Variants in USP35 observed in about 807,000 individuals in gnomAD.
The protein encoded by USP35 is ubiquitin specific peptidase 35, also known as ubiquitin carboxyl-terminal hydrolase 35.
USP35 carries 69 observed loss-of-function variants against 83.8 expected under a neutral mutation model. That is an observed-to-expected ratio of 0.82 (90% CI 0.68 to 1.01). USP35 has a LOEUF of 1.01. Among genes scored for constraint, USP35 ranks in the 50% least tolerant of loss-of-function variants. USP35 has a pLI of 0.00. For synonymous variants in USP35, 714 were observed against 589.5 expected (o/e 1.21, Z -3.06); for missense variants, 1,503 against 1,362.5 (o/e 1.10, Z -1.62).
the USP35 span, among the ~76,000 whole-genome samples, chr11:78,234,891 T>TC: frequency 2.0e-5 from 3 of 152,034 alleles, no homozygotes; most frequent in South Asian, 6.2e-4. Context: ...GCGCCTGTAA[T>TC]CCCAGCTACT....
Position 78,189,088 on chromosome 11 carries a change from GCCCAGC to G in USP35, c.-78_-73del, listed in dbSNP as rs1862918931. ...AGAGGACCAGCCCTGACCTAGCCGG[GCCCAGC>G]CTCGTCCTGCCCGGCCTGAGCGCCC... On this transcript the variant is annotated 5_prime_UTR_variant, in exon 1 of 11. Coordinates refer to ENST00000529308, the MANE Select transcript of USP35 (RefSeq NM_020798.4). The G allele has an allele frequency of 3.9e-6, 2 of 510,216 alleles. No homozygotes were observed. The highest frequency in any genetic ancestry group is 5.1e-6 in the Non-Finnish European group (2 of 395,702). 31.6% of individuals were successfully genotyped at this position (510,216 alleles called of 1,614,324 possible). A position where few individuals can be genotyped will look rare whatever the true frequency, so the allele number is the denominator to read the frequency against.
the USP35 span, chr11:78,221,699 C>G: frequency 6.2e-7 from 1 of 1,612,828 alleles, no homozygotes; most frequent in East Asian, 2.2e-5. Flanking sequence ...GTTCTCTTCG[C>G]TGTCTCCTGA....
chr11:78,228,843 G>A, the USP35 span, among the ~76,000 whole-genome samples: 1 of 151,988 alleles, frequency 6.6e-6, no homozygotes, highest in Non-Finnish European at 1.5e-5. Flanking sequence ...GGGTGGCGGG[G>A]GGAGCGAATG....
At position 78,199,739 on chromosome 11, in the gene USP35, C is replaced by A; in HGVS notation, c.936+15C>A. On this transcript the variant is annotated intron_variant, in intron 4 of 10. Transcript: ENST00000529308. ...AAATTGAGAAGGTTGGTGCCCCTGT[C>A]CTAGCCCAGAGTTACAGCCTTTTGT... is the stretch of plus-strand genomic sequence containing the variant. 1 of 1,614,126 alleles carries A rather than the reference C, an allele frequency of 6.2e-7. No individual in the cohort carries two copies.
Position 78,189,774 on chromosome 11 carries a change from C to T in USP35, c.-11+617C>T, listed in dbSNP as rs113626471. ...CCTGCTTTCTTCCCTTCTCTCTCCT[C>T]CTTATCCTTTGAGGAAGAGCAGCTG... On this transcript the variant is annotated intron_variant, in intron 1 of 10. Coordinates refer to ENST00000529308, the MANE Select transcript of USP35 (RefSeq NM_020798.4). 7.2e-3 allele frequency among the ~76,000 whole-genome samples: 1,099 copies of T among 152,294 alleles called. 11 individuals carry two copies. The highest frequency in any genetic ancestry group is 0.025 in the African/African-American group (1,030 of 41,554).
the USP35 span, among the ~76,000 whole-genome samples, chr11:78,236,667 T>C: frequency 6.6e-6 from 1 of 152,254 alleles, no homozygotes; most frequent in Non-Finnish European, 1.5e-5. Flanking sequence ...AGAAATACTT[T>C]TTTTTCAATG....
chr11:78,235,749 T>C, the USP35 span, among the ~76,000 whole-genome samples: 1 of 152,210 alleles, frequency 6.6e-6, no homozygotes, highest in African/African-American at 2.4e-5. Flanking sequence ...CTGGACCTTA[T>C]TGTCCATATC....
At chr11:78,212,657 T>C (rs1863832120) in intron 10 of USP35, among the ~76,000 whole-genome samples, 1 of 152,186 alleles carries the variant, frequency 6.6e-6, no homozygotes, top group African/African-American at 2.4e-5. Context: ...GTAGCAGTTG[T>C]GAATGGGAGT....
rs564374633 is a variant in USP35 at position 78,213,895 on chromosome 11, A to C, written c.*82A>C. 1.3e-5 allele frequency: 19 copies of C among 1,481,412 alleles called. No homozygotes were observed. Among genetic ancestry groups the C allele is most frequent in the Middle Eastern group, 1.9e-4 (1 of 5,184 alleles). The allele number at this position is 1,481,412 out of a possible 1,614,324, so 91.8% of individuals were successfully genotyped here. On this transcript the variant is annotated 3_prime_UTR_variant, in exon 11 of 11. Transcript: ENST00000529308. Reference sequence around the variant, plus strand: ...GAAGCTGTGGAGGCAGGCCCTACCAAGAGGAAGGATGGTACAGCTCATGGC... The same window carrying C: ...GAAGCTGTGGAGGCAGGCCCTACCACGAGGAAGGATGGTACAGCTCATGGC...
chr11:78,215,349 G>A (rs1864067438), downstream of USP35: 1 of 152,554 alleles, frequency 6.6e-6, no homozygotes, highest in African/African-American at 2.4e-5. Flanking sequence ...ACAGTAGAAA[G>A]GGACCTGCAA....
At chr11:78,223,980 G>A in the USP35 span, among the ~76,000 whole-genome samples, 1 of 152,294 alleles carries the variant, frequency 6.6e-6, no homozygotes, top group Admixed American at 6.5e-5. Flanking sequence ...TACTCAGGAG[G>A]CTGAGGCACG....
the USP35 span, among the ~76,000 whole-genome samples, chr11:78,224,310 C>T: frequency 3.9e-5 from 6 of 152,128 alleles, no homozygotes; most frequent in Non-Finnish European, 5.9e-5. Flanking sequence ...CTGCCCTCCA[C>T]CTCAAGTCCA....
In USP35 at chr11:78,196,710, G is replaced by A; in HGVS notation, c.465G>A (p.Val155=). The A allele has an allele frequency of 6.5e-7, 1 of 1,528,956 alleles. No homozygotes were observed. The highest frequency in any genetic ancestry group is 1.4e-5 in the African/African-American group (1 of 72,526). The allele number at this position is 1,528,956 out of a possible 1,614,324, so 94.7% of individuals were successfully genotyped here. A position where few individuals can be genotyped will look rare whatever the true frequency, so the allele number is the denominator to read the frequency against. The change falls in exon 2 of 11, where the codon GTG becomes GTA. Residue 155 remains valine, a synonymous_variant. Transcript: ENST00000529308. This position sits in a 1 kb window ranked among gnomAD's most constrained non-coding sequence, Gnocchi z 4.8. ...TGCTGGCTCGCCACCCGCGCTGTGT[G>A]CCCGACGGACCCCACCGCCTGCTCT... ...ARLLARHPRC[V]PDGPHRLLFC...
At chr11:78,223,445 G>T in the USP35 span, 1 of 1,578,494 alleles carries the variant, frequency 6.3e-7, no homozygotes, top group Non-Finnish European at 8.6e-7. Flanking sequence ...CGGTTGACAG[G>T]GGGTGGCTGA....
chr11:78,220,355 C>A, the USP35 span: 1 of 1,613,064 alleles, frequency 6.2e-7, no homozygotes, highest in Non-Finnish European at 8.5e-7. Context: ...GCTGGAAGTC[C>A]AGGGCCAGAT....
Position 78,210,408 on chromosome 11 carries a change from G to A in USP35, c.2553G>A (p.Val851=). The change falls in exon 10 of 11, where the codon GTG becomes GTA. Residue 851 remains valine (V), a synonymous_variant. Transcript: ENST00000529308. Reference sequence around the variant, plus strand: ...AGGCCTATGACCTCTGCAGTGTGGTGGTGCACTCTGGAGTGTCTTCGGAGA... The same window carrying A: ...AGGCCTATGACCTCTGCAGTGTGGTAGTGCACTCTGGAGTGTCTTCGGAGA... ...RGQAYDLCSV[V]VHSGVSSESG... is the part of the protein sequence containing the mutation. 6.2e-7 allele frequency: 1 copy of A among 1,613,978 alleles called. No homozygotes were observed. Among genetic ancestry groups the A allele is most frequent in the Non-Finnish European group, 8.5e-7 (1 of 1,180,042 alleles).
intron 6 of USP35, among the ~76,000 whole-genome samples, chr11:78,204,934 TG>T (rs1863487611): frequency 6.6e-6 from 1 of 152,256 alleles, no homozygotes; most frequent in African/African-American, 2.4e-5. Context: ...CTTTGGATGC[TG>T]AGCTGTTTTG....
chr11:78,210,879 A>T, intron 10 of USP35, 135 bp downstream of exon 10: 2 of 938,928 alleles, frequency 2.1e-6, no homozygotes, highest in South Asian at 2.1e-5. Flanking sequence ...TGCTGGGTAT[A>T]TACTGGTGGC....
chr11:78,207,287 A>G (rs1268734361), intron 7 of USP35: 3 of 449,066 alleles, frequency 6.7e-6, no homozygotes, highest in African/African-American at 4.0e-5. Context: ...AGGGGCTACA[A>G]GGGTCACCTT....
Sources: allele counts gnomAD v4.1 joint callset (sites outside exome capture counted in the v4.1 genomes callset), GRCh38; gene constraint gnomAD v4.1.1; non-coding constraint Gnocchi (gnomAD v3.1); transcripts MANE v1.5; gene names NCBI Gene and HGNC (gene_info 2026-07-23, HGNC 2026-07-21).